The following CNKSR2 variants were observed in gnomAD, a reference collection of about 807,000 sequenced individuals.
CNKSR2 encodes CNK homolog protein 2.
In CNKSR2, 14 loss-of-function variants were observed where a neutral mutation model predicts 84.4. The observed-to-expected ratio is 0.17, with a 90% CI of 0.11 to 0.26. The LOEUF is 0.26. Ranked by LOEUF, CNKSR2 falls within the 10% of genes least tolerant of loss-of-function variation. CNKSR2 has a pLI of 1.00. For missense variants in CNKSR2, 485 were observed against 771.2 expected (o/e 0.63, Z 4.40); for synonymous variants, 275 against 277.9 (o/e 0.99, Z 0.10).
In CNKSR2 at chrX:21,654,289, A is replaced by AAC. The variant is rs1555967982; in HGVS notation, c.*1769_*1770insCA. 1 of 106,365 alleles carries AAC rather than the reference A, an allele frequency of 9.4e-6. No individual in the cohort carries two copies. The highest frequency in any genetic ancestry group is 4.1e-4 in the South Asian group (1 of 2,432). 8.8% of individuals were successfully genotyped at this position (106,365 alleles called of 1,213,427 possible). On this transcript the variant is annotated 3_prime_UTR_variant, in exon 22 of 22. Transcript: ENST00000379510. ...TGTATATGTAAAAAAAAAAAAAAAA[A>AAC]AAAAACAAAAAACCTCTTGTCCTAA...
intron 15 of CNKSR2, chrX:21,593,424 CTT>C (rs979660642): frequency 1.8e-5 from 2 of 111,444 alleles, no homozygotes; most frequent in Non-Finnish European, 3.8e-5. Context: ...ATCGAGAACT[CTT>C]TTTTTCCTCT....
At chrX:21,605,492 G>A (rs1245240121) in intron 18 of CNKSR2, among the ~76,000 whole-genome samples, 4 of 111,612 alleles carry the variant, frequency 3.6e-5, no homozygotes, top group South Asian at 3.7e-4. Context: ...CACAATAGCC[G>A]GAGGTACATA....
At chrX:21,589,120 T>C (rs2092405285) in intron 13 of CNKSR2, among the ~76,000 whole-genome samples, 1 of 112,388 alleles carries the variant, frequency 8.9e-6, no homozygotes, top group Non-Finnish European at 1.9e-5. Context: ...GATATGTGTG[T>C]GTGTATGTGT....
intron 1 of CNKSR2, among the ~76,000 whole-genome samples, chrX:21,395,460 A>T (rs2090108493): frequency 9.0e-6 from 1 of 111,180 alleles, no homozygotes; most frequent in South Asian, 3.8e-4. Flanking sequence ...AACTTTGAAG[A>T]CCATTTGGAT....
At chrX:21,647,322 G>A (rs1403890380) in intron 20 of CNKSR2, among the ~76,000 whole-genome samples, 1 of 111,733 alleles carries the variant, frequency 8.9e-6, no homozygotes, top group Non-Finnish European at 1.9e-5. Flanking sequence ...GTTGAATGTG[G>A]AATTTAAATA....
Position 21,652,402 on chromosome X carries a change from C to T in CNKSR2, c.2986C>T (p.Leu996Phe). Reference protein sequence around the residue: ...FQQWKQMYLDLFLDICQNTTS... With the variant: ...FQQWKQMYLDFFLDICQNTTS... ...ACAATGGAAGCAGATGTACCTCGACCTTTTCTTGGATATCTGTCAAAATAC... is the reference window on the plus strand; with the variant it reads ...ACAATGGAAGCAGATGTACCTCGACTTTTTCTTGGATATCTGTCAAAATAC... The change falls in exon 22 of 22, where the codon CTT becomes TTT. Residue 996 changes from leucine to phenylalanine, a missense_variant. Transcript: ENST00000379510. 1 of 1,208,475 alleles carries T rather than the reference C, an allele frequency of 8.3e-7. No individual in the cohort carries two copies. Among genetic ancestry groups the T allele is most frequent in the South Asian group, 1.8e-5 (1 of 56,921 alleles).
chrX:21,618,495 T>C (rs1252934694), intron 20 of CNKSR2, among the ~76,000 whole-genome samples: 1 of 112,235 alleles, frequency 8.9e-6, no homozygotes, highest in African/African-American at 3.2e-5. Flanking sequence ...GTCTCAAGAA[T>C]GACAATTTTG....
Position 21,653,578 on chromosome X carries a change from ACTTCC to A in CNKSR2, c.*1062_*1066del, listed in dbSNP as rs2092725591. The stretch of plus-strand genomic sequence containing the variant: ...AAACAACACTGAAAAATAAAAATGT[ACTTCC>A]CTTCTAAGGAGCAAGCAGGTGATGG... On this transcript the variant is annotated 3_prime_UTR_variant, in exon 22 of 22. Coordinates refer to ENST00000379510, the MANE Select transcript of CNKSR2 (RefSeq NM_014927.5). 1 of 109,984 alleles carries A rather than the reference ACTTCC, an allele frequency of 9.1e-6. No homozygotes were observed. The highest frequency in any genetic ancestry group is 3.3e-5 in the African/African-American group (1 of 30,299). 9.1% of individuals were successfully genotyped at this position (109,984 alleles called of 1,213,427 possible).
intron 1 of CNKSR2, among the ~76,000 whole-genome samples, chrX:21,402,950 A>G (rs756451790): frequency 9.0e-6 from 1 of 111,607 alleles, no homozygotes; most frequent in East Asian, 2.8e-4. Context: ...AATTTACTAT[A>G]TGATAAAGGT....
intron 17 of CNKSR2, 96 bp from the exon 18 acceptor site, chrX:21,601,186 C>T (rs777379075): frequency 1.0e-4 from 49 of 487,617 alleles, no homozygotes; most frequent in Non-Finnish European, 1.4e-4. Flanking sequence ...AGGATTATTC[C>T]GTATATTCTT....
intron 1 of CNKSR2, among the ~76,000 whole-genome samples, chrX:21,404,789 C>CAAAAAAAAAAAAA (rs59192713): frequency 6.6e-5 from 2 of 30,078 alleles, no homozygotes; most frequent in Non-Finnish European, 6.1e-5. Flanking sequence ...AACTCTGTCT[C>CAAAAAAAAAAAAA]AAAAAAAAAA....
At chrX:21,485,125 G>A (rs2091368065) in intron 5 of CNKSR2, among the ~76,000 whole-genome samples, 1 of 111,334 alleles carries the variant, frequency 9.0e-6, no homozygotes, top group Non-Finnish European at 1.9e-5. Flanking sequence ...GGAGGTGGCA[G>A]TGAGCCAAGA....
At chrX:21,439,172 A>G (rs1251537621) in intron 3 of CNKSR2, among the ~76,000 whole-genome samples, 2 of 111,587 alleles carry the variant, frequency 1.8e-5, no homozygotes, top group African/African-American at 6.5e-5. Flanking sequence ...GATAGACCAT[A>G]TCTGTATCAT....
chrX:21,539,341 G>T (rs2091956625), intron 11 of CNKSR2, among the ~76,000 whole-genome samples: 1 of 111,283 alleles, frequency 9.0e-6, no homozygotes, highest in Non-Finnish European at 1.9e-5. Flanking sequence ...TCAGTTTTAA[G>T]ATTTTTGTTT....
At chrX:21,482,753 G>C (rs1260904311) in intron 5 of CNKSR2, among the ~76,000 whole-genome samples, 1 of 111,580 alleles carries the variant, frequency 9.0e-6, no homozygotes, top group Non-Finnish European at 1.9e-5. Context: ...TGAAATTCTT[G>C]AGTGTAGTAG....
rs970685200 is a variant in CNKSR2, at chrX:21,381,129, A to G, written c.64+6168A>G. ...GAAGCCAAATGATCAAAAGAAGCCA[A>G]AGAGTTGTGTTTTTTTTGTTTTTTG... On this transcript the variant is annotated intron_variant, in intron 1 of 21. Coordinates refer to ENST00000379510, the MANE Select transcript of CNKSR2 (RefSeq NM_014927.5). Among the ~76,000 whole-genome samples the G allele has an allele frequency of 4.5e-5, 5 of 112,264 alleles. No homozygotes were observed. In the East Asian group the frequency reaches 1.4e-3, roughly 31 times the overall value.
At chrX:21,648,758 A>C in intron 20 of CNKSR2, 73 bp from the exon 21 acceptor site, 4 of 874,228 alleles carry the variant, frequency 4.6e-6, no homozygotes, top group Non-Finnish European at 4.6e-6. Flanking sequence ...ATTGCAATGA[A>C]TTCATTTCTC....
intron 5 of CNKSR2, among the ~76,000 whole-genome samples, chrX:21,472,949 A>G (rs2091216341): frequency 9.0e-6 from 1 of 111,462 alleles, no homozygotes; most frequent in Non-Finnish European, 1.9e-5. Context: ...CCAAATTTTA[A>G]AAGTTCTTAA....
In CNKSR2 at chrX:21,539,179, CTTTATTCTTT is replaced by C. The variant is rs1034742306; in HGVS notation, c.1303+7126_1303+7135del. 6.2e-5 allele frequency among the ~76,000 whole-genome samples: 7 copies of C among 112,083 alleles called. 1 individual carries two copies. The highest frequency in any genetic ancestry group is 1.9e-4 in the Admixed American group (2 of 10,635). On this transcript the variant is annotated intron_variant, in intron 11 of 21. Coordinates refer to ENST00000379510, the MANE Select transcript of CNKSR2 (RefSeq NM_014927.5). Reference sequence around the variant, plus strand: ...GTGTCCCATTTGTCATGTAGAGTTTCTTTATTCTTTTTTATTCTTTTTTCTTTCTTTTATC... The same window carrying C: ...GTGTCCCATTTGTCATGTAGAGTTTCTTTATTCTTTTTTCTTTCTTTTATC...
Sources: gnomAD v4.1 joint callset for allele counts (sites outside exome capture counted in the v4.1 genomes callset) on GRCh38, gnomAD v4.1.1 for gene constraint, MANE v1.5 for transcripts, NCBI Gene and HGNC (gene_info 2026-07-23, HGNC 2026-07-21) for gene names.